Variants in CTNNA2 observed in about 807,000 individuals in gnomAD.
CTNNA2 encodes catenin alpha-2.
In CTNNA2, 42 loss-of-function variants were observed where a neutral mutation model predicts 101.0. The ratio of observed to expected loss-of-function variants is 0.42; its 90% CI spans 0.32 to 0.54. The LOEUF is 0.54. Among genes scored for constraint, CTNNA2 ranks in the 20% least tolerant of loss-of-function variants. CTNNA2 has a pLI of 0.14. For missense variants in CTNNA2, 871 were observed against 1,223.1 expected, an observed-to-expected ratio of 0.71 and a Z score of 4.29; for synonymous variants, 450 against 456.4, an observed-to-expected ratio of 0.99 and a Z score of 0.18.
At chr2:79,824,498 G>T (rs1678259616) in intron 3 of CTNNA2, among the ~76,000 whole-genome samples, 1 of 97,580 alleles carries the variant, frequency 1.0e-5, no homozygotes. Context: ...GTCTTTCCAG[G>T]AGCACTGCCC....
At chr2:79,196,161 T>C (rs940399924) in intron 1 of CTNNA2, among the ~76,000 whole-genome samples, 2 of 152,166 alleles carry the variant, frequency 1.3e-5, no homozygotes, top group African/African-American at 2.4e-5. Context: ...CACGAACTCC[T>C]GACCTCGTGA....
intron 3 of CTNNA2, among the ~76,000 whole-genome samples, chr2:79,331,860 C>G (rs528563440): frequency 1.3e-3 from 193 of 152,212 alleles, no homozygotes; most frequent in South Asian, 6.6e-3. Flanking sequence ...ATTATTGATT[C>G]GAGAACAAAA....
At chr2:79,329,329 A>G (rs1287723243) in intron 3 of CTNNA2, among the ~76,000 whole-genome samples, 1 of 152,170 alleles carries the variant, frequency 6.6e-6, no homozygotes, top group East Asian at 1.9e-4. Flanking sequence ...GGGAACAAGT[A>G]TGTGGATATT....
chr2:79,243,563 A>G (rs1161923167), intron 2 of CTNNA2, among the ~76,000 whole-genome samples: 1 of 152,184 alleles, frequency 6.6e-6, no homozygotes, highest in African/African-American at 2.4e-5. Context: ...TTTGCCAGGC[A>G]TTAGGATTGT....
intron 9 of CTNNA2, among the ~76,000 whole-genome samples, chr2:80,451,006 G>A (rs902218612): frequency 2.0e-5 from 3 of 151,424 alleles, no homozygotes; most frequent in Non-Finnish European, 4.4e-5. Flanking sequence ...ACTTTTCCCT[G>A]TCTCATTTTG....
chr2:79,451,748 T>C (rs527591949), intron 4 of CTNNA2, among the ~76,000 whole-genome samples: 4 of 150,922 alleles, frequency 2.7e-5, no homozygotes, highest in Non-Finnish European at 5.9e-5. Flanking sequence ...TGGCATGTAT[T>C]ATATATATGT....
At chr2:80,562,385 C>T (rs1279648237) in intron 12 of CTNNA2, among the ~76,000 whole-genome samples, 1 of 152,126 alleles carries the variant, frequency 6.6e-6, no homozygotes, top group East Asian at 1.9e-4. Flanking sequence ...TGAACTCTCT[C>T]ATAAGATAAA....
At chr2:79,374,247 C>T (rs149614668) in intron 4 of CTNNA2, among the ~76,000 whole-genome samples, 125 of 152,234 alleles carry the variant, frequency 8.2e-4, no homozygotes, top group African/African-American at 2.8e-3. Context: ...ACAATGCATA[C>T]CTTCCCCTGT....
intron 9 of CTNNA2, among the ~76,000 whole-genome samples, chr2:80,509,310 G>A (rs1463218868): frequency 6.6e-6 from 1 of 152,128 alleles, no homozygotes; most frequent in Non-Finnish European, 1.5e-5. Flanking sequence ...GGGTTTAACA[G>A]GAACATTTAC....
chr2:79,325,219 A>G lies in CTNNA2; in HGVS notation c.-318+12423A>G, dbSNP rs116750888. On this transcript the variant is annotated intron_variant, in intron 3 of 21. Coordinates refer to the CTNNA2 transcript ENST00000466387. ...AGGTATATCAATGGGGGGAAAACCA[A>G]GTTTGATTTATCCCCAAAGCTTCCT... Among the ~76,000 whole-genome samples the G allele has an allele frequency of 2.2e-3, 337 of 152,282 alleles. 3 individuals are homozygous for G. Among genetic ancestry groups the G allele is most frequent in the African/African-American group, 7.6e-3 (314 of 41,556 alleles).
At chr2:80,055,738 C>T (rs1697176255) in intron 7 of CTNNA2, among the ~76,000 whole-genome samples, 1 of 152,102 alleles carries the variant, frequency 6.6e-6, no homozygotes, top group Non-Finnish European at 1.5e-5. Context: ...CTGCTCTCAC[C>T]TGCATTTGAG....
chr2:80,305,788 C>A (rs1271573867), intron 7 of CTNNA2, among the ~76,000 whole-genome samples: 1 of 152,074 alleles, frequency 6.6e-6, no homozygotes, highest in African/African-American at 2.4e-5. Context: ...AAACAAAGTC[C>A]TCCAAGATGG....
At chr2:79,897,742 A>G (rs1684813638) in intron 6 of CTNNA2, among the ~76,000 whole-genome samples, 1 of 152,204 alleles carries the variant, frequency 6.6e-6, no homozygotes, top group Non-Finnish European at 1.5e-5. Flanking sequence ...TAATTTACAA[A>G]GAGCAAAATT....
chr2:79,258,093 A>AC (rs1420729947), intron 2 of CTNNA2, among the ~76,000 whole-genome samples: 1 of 152,074 alleles, frequency 6.6e-6, no homozygotes, highest in African/African-American at 2.4e-5. Context: ...ACTTAACTTC[A>AC]CCTGTATAGC....
rs567183988 is a variant in CTNNA2 at position 80,027,201 on chromosome 2, A to G, written c.1056+117404A>G. On this transcript the variant is annotated intron_variant, in intron 7 of 18. Transcript: ENST00000402739. ...TTGAGCAGAGAACAGATCCACCTTC[A>G]GGAGTTAGTGGTATGGGAATGGCAT... Among the ~76,000 whole-genome samples the G allele has an allele frequency of 1.2e-3, 183 of 152,330 alleles. 1 individual carries two copies. Among genetic ancestry groups the G allele is most frequent in the African/African-American group, 4.2e-3 (173 of 41,588 alleles).
At chr2:80,317,458 A>G (rs1438132883) in intron 7 of CTNNA2, among the ~76,000 whole-genome samples, 1 of 152,166 alleles carries the variant, frequency 6.6e-6, no homozygotes, top group Non-Finnish European at 1.5e-5. Flanking sequence ...GATGATATAA[A>G]GTGATTTTTC....
At chr2:80,082,092 G>C (rs751055616) in intron 7 of CTNNA2, among the ~76,000 whole-genome samples, 4 of 152,066 alleles carry the variant, frequency 2.6e-5, no homozygotes, top group Non-Finnish European at 5.9e-5. Context: ...ATATCTGGTT[G>C]CTCTGAACGT....
chr2:79,291,321 AG>A (rs1285468655), intron 2 of CTNNA2, among the ~76,000 whole-genome samples: 6 of 152,254 alleles, frequency 3.9e-5, no homozygotes, highest in Non-Finnish European at 8.8e-5. Context: ...GGAGACTGTC[AG>A]GTGTATGTCA....
intron 7 of CTNNA2, among the ~76,000 whole-genome samples, chr2:80,284,790 G>A (rs574847310): frequency 5.9e-5 from 9 of 152,148 alleles, no homozygotes; most frequent in Non-Finnish European, 1.3e-4. Context: ...ACTCCATTTA[G>A]AATTTTGTCA....
Sources: gnomAD v4.1 joint callset for allele counts (sites outside exome capture counted in the v4.1 genomes callset) on GRCh38, gnomAD v4.1.1 for gene constraint, MANE v1.5 for transcripts, NCBI Gene and HGNC (gene_info 2026-07-23, HGNC 2026-07-21) for gene names.